Variants in WDPCP observed in about 807,000 individuals in gnomAD.
WDPCP encodes WD repeat-containing and planar cell polarity effector protein fritz homolog.
Under a neutral mutation model 93.1 loss-of-function variants are expected in WDPCP, and 71 were observed. The ratio of observed to expected loss-of-function variants is 0.76; its 90% CI spans 0.63 to 0.93. The LOEUF (loss-of-function observed/expected upper bound fraction) is 0.93. Ranked by LOEUF, WDPCP falls within the 40% of genes least tolerant of loss-of-function variation. WDPCP has a pLI of 0.00. For missense variants in WDPCP, 844 were observed against 887.4 expected (o/e 0.95, Z 0.62); for synonymous variants, 315 against 315.0 (o/e 1.00, Z 0.00).
At position 63,705,756 on chromosome 2, in the gene WDPCP, A is replaced by T. The variant is rs972735030; in HGVS notation, n.309-54918T>A. Among the ~76,000 whole-genome samples, 5 of 145,044 alleles carry T rather than the reference A, an allele frequency of 3.4e-5. 1 individual carries two copies. The highest frequency in any genetic ancestry group is 7.8e-5 in the Non-Finnish European group (5 of 64,178). On this transcript the variant is annotated intron_variant and non_coding_transcript_variant, in intron 2 of 4. Transcript: ENST00000467687. Reference sequence around the variant, plus strand: ...TTGGAATAAGTGTGATGTGATGCTGAGAAGAATGTGTATTCTGTTGATCTG... The same window carrying T: ...TTGGAATAAGTGTGATGTGATGCTGTGAAGAATGTGTATTCTGTTGATCTG...
chr2:63,156,971 T>C (rs976830723), intron 15 of WDPCP, among the ~76,000 whole-genome samples: 3 of 152,016 alleles, frequency 2.0e-5, no homozygotes, highest in South Asian at 2.1e-4. Flanking sequence ...ATAATAGCTG[T>C]AGTATTCTCT....
intron 2 of WDPCP, among the ~76,000 whole-genome samples, chr2:63,489,249 C>T (rs1016381100): frequency 6.6e-6 from 1 of 151,766 alleles, no homozygotes; most frequent in African/African-American, 2.4e-5. Flanking sequence ...TTCCCACTGT[C>T]TGAGAAGAAA....
intron 13 of WDPCP, among the ~76,000 whole-genome samples, chr2:63,289,932 T>C (rs763586768): frequency 7.2e-5 from 11 of 151,940 alleles, no homozygotes; most frequent in Non-Finnish European, 1.5e-4. Flanking sequence ...TTTTTCACAT[T>C]TTTTCTTTAA....
At chr2:63,750,131 A>G (rs181975626) in intron 2 of WDPCP, among the ~76,000 whole-genome samples, 45 of 152,264 alleles carry the variant, frequency 3.0e-4, no homozygotes, top group Admixed American at 2.1e-3. Flanking sequence ...GAAGAAAAAT[A>G]GACTGGAATG....
chr2:63,326,430 C>T (rs1336526294), intron 12 of WDPCP, among the ~76,000 whole-genome samples: 1 of 152,106 alleles, frequency 6.6e-6, no homozygotes, highest in African/African-American at 2.4e-5. Flanking sequence ...TAAGCCTCTT[C>T]CCCGAGGGAC....
chr2:63,483,762 C>T lies in WDPCP; in HGVS notation c.384+842G>A, dbSNP rs374482866. ...GTTACAATTATTATTAGAACTAATG[C>T]AACTTCAATTCCACAGATGACTAAT... On this transcript the variant is annotated intron_variant, in intron 6 of 17. Transcript: ENST00000272321. Among the ~76,000 whole-genome samples the T allele has an allele frequency of 4.0e-5, 6 of 151,874 alleles. No homozygotes were observed. In the East Asian group the frequency reaches 1.2e-3, roughly 29 times the overall value.
chr2:63,279,618 G>A (rs1415365753), intron 13 of WDPCP, among the ~76,000 whole-genome samples: 1 of 152,192 alleles, frequency 6.6e-6, no homozygotes, highest in Non-Finnish European at 1.5e-5. Context: ...AGAGCAATCA[G>A]ACAAGAGAAA....
chr2:63,627,681 A>G (rs1206877746), intron 3 of WDPCP, among the ~76,000 whole-genome samples: 2 of 152,200 alleles, frequency 1.3e-5, no homozygotes, highest in African/African-American at 4.8e-5. Context: ...TTCGGAGCAG[A>G]GTCCCTCCAG....
intron 1 of WDPCP, among the ~76,000 whole-genome samples, chr2:63,577,810 A>G (rs1161684368): frequency 6.6e-6 from 1 of 152,202 alleles, no homozygotes; most frequent in East Asian, 1.9e-4. Context: ...CTATGTTGTG[A>G]AATGTTAATG....
At chr2:63,397,632 CTGTT>C (rs1558573482) in intron 10 of WDPCP, among the ~76,000 whole-genome samples, 1 of 152,158 alleles carries the variant, frequency 6.6e-6, no homozygotes, top group African/African-American at 2.4e-5. Context: ...TCATAGAAGG[CTGTT>C]TGATGAGGGT....
intron 1 of WDPCP, among the ~76,000 whole-genome samples, chr2:63,511,086 A>T (rs552844252): frequency 4.6e-5 from 7 of 152,348 alleles, no homozygotes; most frequent in African/African-American, 1.7e-4. Context: ...AAAAGTCACA[A>T]GCATTCCTAT....
At chr2:63,582,438 A>G (rs1708555621) in intron 1 of WDPCP, among the ~76,000 whole-genome samples, 1 of 152,186 alleles carries the variant, frequency 6.6e-6, no homozygotes, top group Admixed American at 6.5e-5. Flanking sequence ...AATCAGCTCA[A>G]AATACATATA....
At chr2:63,584,827 T>C (rs1708732315) in intron 1 of WDPCP, among the ~76,000 whole-genome samples, 1 of 152,126 alleles carries the variant, frequency 6.6e-6, no homozygotes, top group Non-Finnish European at 1.5e-5. Context: ...TTAAGACCAA[T>C]AAATTCTGCT....
chr2:63,759,554 A>G (rs1670022175), intron 2 of WDPCP, among the ~76,000 whole-genome samples: 1 of 152,234 alleles, frequency 6.6e-6, no homozygotes, highest in South Asian at 2.1e-4. Flanking sequence ...CCTTTCTTCC[A>G]CTTTCTCTCT....
intron 14 of WDPCP, among the ~76,000 whole-genome samples, chr2:63,209,236 T>C (rs1425846659): frequency 1.3e-5 from 2 of 152,234 alleles, no homozygotes; most frequent in Non-Finnish European, 1.5e-5. Context: ...ATAGAATAAA[T>C]GTTCTCCCTC....
chr2:63,440,087 T>G (rs1159794612), intron 6 of WDPCP: 4 of 501,914 alleles, frequency 8.0e-6, no homozygotes, highest in Non-Finnish European at 1.4e-5. Context: ...ATGCATTGAT[T>G]AAAGCTACAT....
chr2:63,622,781 T>C, intron 3 of WDPCP: 3 of 1,612,438 alleles, frequency 1.9e-6, no homozygotes, highest in South Asian at 1.1e-5. Context: ...CGGCGAACAC[T>C]TGGTCCCAGG....
At chr2:63,430,626 G>A (rs1169015442) in intron 9 of WDPCP, among the ~76,000 whole-genome samples, 1 of 152,218 alleles carries the variant, frequency 6.6e-6, no homozygotes, top group African/African-American at 2.4e-5. Flanking sequence ...GCTCATGCCT[G>A]TAATCCCAGC....
intron 2 of WDPCP, among the ~76,000 whole-genome samples, chr2:63,489,829 T>A (rs1700769335): frequency 2.0e-5 from 3 of 151,910 alleles, no homozygotes; most frequent in Non-Finnish European, 4.4e-5. Flanking sequence ...AACAGGATAT[T>A]TACATAATTT....
Sources: gnomAD v4.1 joint callset for allele counts (sites outside exome capture counted in the v4.1 genomes callset) on GRCh38, gnomAD v4.1.1 for gene constraint, MANE v1.5 for transcripts, NCBI Gene and HGNC (gene_info 2026-07-23, HGNC 2026-07-21) for gene names.